ERAP1: variants seen among roughly 807,000 people sequenced by gnomAD.
ERAP1 encodes the protein adipocyte-derived leucine aminopeptidase.
A neutral mutation model predicts 103.7 loss-of-function variants in ERAP1; 86 were observed. The observed-to-expected ratio is 0.83, with a 90% CI of 0.70 to 0.99. The LOEUF (loss-of-function observed/expected upper bound fraction) is 0.99. ERAP1 is among the 50% of genes least tolerant of loss of function. The pLI is 0.00. For synonymous variants in ERAP1, 398 were observed against 402.4 expected (o/e 0.99, Z 0.13); for missense variants, 1,009 against 1,128.4 (o/e 0.89, Z 1.52).
At chr5:96,822,651 G>T in the ERAP1 span, among the ~76,000 whole-genome samples, 2 of 152,134 alleles carry the variant, frequency 1.3e-5, no homozygotes, top group Non-Finnish European at 2.9e-5. Context: ...TGAGGCAGGA[G>T]GATCACTTGA....
intron 10 of ERAP1, among the ~76,000 whole-genome samples, chr5:96,788,934 G>A (rs758415600): frequency 2.6e-5 from 4 of 152,112 alleles, no homozygotes; most frequent in Non-Finnish European, 4.4e-5. Flanking sequence ...TAGTTCTGCC[G>A]GGCACACTTT....
At chr5:96,878,514 A>C in the ERAP1 span, among the ~76,000 whole-genome samples, 1 of 152,180 alleles carries the variant, frequency 6.6e-6, no homozygotes, top group African/African-American at 2.4e-5. Flanking sequence ...TCAGGCATAC[A>C]CTTAAAATTA....
chr5:96,903,654 A>T, the ERAP1 span: 1 of 1,170,428 alleles, frequency 8.5e-7, no homozygotes. Flanking sequence ...TTGGTCATTG[A>T]TTTAATATGG....
chr5:96,768,461 T>C (rs1353359262), intron 19 of ERAP1: 3 of 449,246 alleles, frequency 6.7e-6, no homozygotes, highest in Non-Finnish European at 1.3e-5. Context: ...AAAATGCCTA[T>C]AATTCCACTG....
chr5:96,794,063 A>C (rs1777039757), intron 5 of ERAP1, 106 bp from the exon 6 acceptor site: 2 of 1,108,644 alleles, frequency 1.8e-6, no homozygotes, highest in Non-Finnish European at 1.4e-6. Context: ...CCCGTGCATA[A>C]TCATGGAGCT....
At chr5:96,870,721 G>A in the ERAP1 span, among the ~76,000 whole-genome samples, 3 of 152,296 alleles carry the variant, frequency 2.0e-5, no homozygotes, top group African/African-American at 7.2e-5. Context: ...ATGCTATTGA[G>A]TTTTGTGCTG....
intron 3 of ERAP1, among the ~76,000 whole-genome samples, chr5:96,800,074 T>G (rs1777815351): frequency 1.3e-5 from 2 of 152,242 alleles, no homozygotes; most frequent in African/African-American, 4.8e-5. Flanking sequence ...CAAAGCCTAT[T>G]CTACTCTGAC....
upstream of ERAP1, among the ~76,000 whole-genome samples, chr5:96,811,088 A>AT (rs889173109): frequency 3.3e-5 from 5 of 151,786 alleles, no homozygotes; most frequent in African/African-American, 1.2e-4. Context: ...TTAGAACTTA[A>AT]TTTTTTTAAA....
chr5:96,842,299 A>T, the ERAP1 span, among the ~76,000 whole-genome samples: 1 of 152,158 alleles, frequency 6.6e-6, no homozygotes, highest in Non-Finnish European at 1.5e-5. Context: ...CTGAATAGGT[A>T]CCCAGTAGTA....
the ERAP1 span, among the ~76,000 whole-genome samples, chr5:96,894,903 T>C: frequency 6.6e-6 from 1 of 152,124 alleles, no homozygotes; most frequent in Admixed American, 6.6e-5. Context: ...TTGTTCTTAT[T>C]GGGCAGGAAA....
At chr5:96,853,910 A>G in the ERAP1 span, among the ~76,000 whole-genome samples, 6 of 152,090 alleles carry the variant, frequency 3.9e-5, no homozygotes, top group African/African-American at 1.4e-4. Context: ...ACAAAATAAT[A>G]CATGCTCTTA....
At chr5:96,813,104 G>A in the ERAP1 span, among the ~76,000 whole-genome samples, 1 of 152,130 alleles carries the variant, frequency 6.6e-6, no homozygotes, top group Admixed American at 6.5e-5. Flanking sequence ...GGCTACCCTG[G>A]TGCTTAGGAA....
the ERAP1 span, chr5:96,886,794 G>C: frequency 6.7e-7 from 1 of 1,485,764 alleles, no homozygotes; most frequent in Non-Finnish European, 9.1e-7. Flanking sequence ...GTCAAGGTGA[G>C]ACTGAGTTCT....
the ERAP1 span, among the ~76,000 whole-genome samples, chr5:96,869,638 G>T: frequency 2.0e-5 from 3 of 152,228 alleles, no homozygotes; most frequent in Non-Finnish European, 2.9e-5. Flanking sequence ...GCTCTGGAGA[G>T]TTAGGAAGAC....
At chr5:96,921,156 C>T in the ERAP1 span, among the ~76,000 whole-genome samples, 1 of 152,224 alleles carries the variant, frequency 6.6e-6, no homozygotes, top group Admixed American at 6.5e-5. Context: ...CCAGCACTCT[C>T]GAAGGCATAA....
At chr5:96,885,879 T>C in the ERAP1 span, among the ~76,000 whole-genome samples, 3 of 152,252 alleles carry the variant, frequency 2.0e-5, no homozygotes, top group African/African-American at 7.2e-5. Flanking sequence ...TCTTGATAGA[T>C]GCAGCTGACG....
At chr5:96,805,367 A>C (rs1778484333) in intron 1 of ERAP1, among the ~76,000 whole-genome samples, 1 of 151,204 alleles carries the variant, frequency 6.6e-6, no homozygotes, top group African/African-American at 2.4e-5. Context: ...TAAAAAAAAA[A>C]AAAACTGTCC....
the ERAP1 span, among the ~76,000 whole-genome samples, chr5:96,921,563 T>C: frequency 2.0e-5 from 3 of 152,256 alleles, no homozygotes; most frequent in Non-Finnish European, 4.4e-5. Flanking sequence ...AAACATTTTA[T>C]TTCTTACTCG....
the ERAP1 span, among the ~76,000 whole-genome samples, chr5:96,887,171 C>T: frequency 6.7e-6 from 1 of 149,718 alleles, no homozygotes; most frequent in Non-Finnish European, 1.5e-5. Flanking sequence ...CTATTTTTAA[C>T]CCATTTTTAT....
Sources: allele counts gnomAD v4.1 joint callset (sites outside exome capture counted in the v4.1 genomes callset), GRCh38; gene constraint gnomAD v4.1.1; transcripts MANE v1.5; gene names NCBI Gene and HGNC (gene_info 2026-07-23, HGNC 2026-07-21).